PRKN: variants seen among roughly 807,000 people sequenced by gnomAD.
The protein encoded by PRKN is E3 ubiquitin-protein ligase parkin.
PRKN carries 56 observed loss-of-function variants against 59.5 expected under a neutral mutation model. That is an observed-to-expected ratio of 0.94 (90% CI 0.76 to 1.18). The LOEUF (loss-of-function observed/expected upper bound fraction) is 1.18. PRKN is among the 50% of genes most tolerant of loss of function. PRKN has a pLI of 0.00. For synonymous variants in PRKN, 250 were observed against 222.1 expected (o/e 1.13, Z -1.12); for missense variants, 657 against 596.4 (o/e 1.10, Z -1.06).
At position 161,354,690 on chromosome 6, in the gene PRKN, C is replaced by CG. The variant is rs1784685199; in HGVS notation, c.1286-4480dup. The stretch of plus-strand genomic sequence containing the variant: ...ACACAGCTGAGTATGTAACAGGCCA[C>CG]GAACCTTGGTGACAACCAGGTAACA... On this transcript the variant is annotated intron_variant, in intron 11 of 11. Transcript: ENST00000366898. This position sits in a 1 kb window ranked among gnomAD's most constrained non-coding sequence, Gnocchi z 6.7. 6.6e-6 allele frequency among the ~76,000 whole-genome samples: 1 copy of CG among 152,166 alleles called. No homozygotes were observed. Among genetic ancestry groups the CG allele is most frequent in the Non-Finnish European group, 1.5e-5 (1 of 68,022 alleles).
intron 5 of PRKN, among the ~76,000 whole-genome samples, chr6:162,045,418 C>G (rs548534523): frequency 1.3e-5 from 2 of 152,208 alleles, no homozygotes; most frequent in Non-Finnish European, 2.9e-5. Flanking sequence ...TGAGGAAGCT[C>G]AGATGATCCG....
At chr6:162,501,079 G>A (rs926107622) in intron 1 of PRKN, among the ~76,000 whole-genome samples, 3 of 152,068 alleles carry the variant, frequency 2.0e-5, no homozygotes, top group Admixed American at 1.3e-4. Context: ...GTGGCGAGAC[G>A]ATTGCTTGAA....
At chr6:162,001,221 G>C (rs576037951) in intron 5 of PRKN, among the ~76,000 whole-genome samples, 1 of 152,066 alleles carries the variant, frequency 6.6e-6, no homozygotes, top group South Asian at 2.1e-4. Flanking sequence ...ATTGACTCTA[G>C]ATAAAATTGG....
intron 4 of PRKN, among the ~76,000 whole-genome samples, chr6:162,191,334 T>C (rs1784269412): frequency 6.6e-6 from 1 of 152,236 alleles, no homozygotes; most frequent in South Asian, 2.1e-4. Context: ...CTTTTCAACA[T>C]GCTTCGTTAC....
chr6:162,406,979 T>A (rs573699357), intron 2 of PRKN, among the ~76,000 whole-genome samples: 1 of 152,196 alleles, frequency 6.6e-6, no homozygotes, highest in South Asian at 2.1e-4. Flanking sequence ...TTGACCAAAA[T>A]TGTAGATTTT....
At position 161,757,871 on chromosome 6, in the gene PRKN, C is replaced by CTCTGTG. The variant is rs1380898753; in HGVS notation, c.871+27900_871+27901insCACAGA. 7.8e-4 allele frequency among the ~76,000 whole-genome samples: 76 copies of CTCTGTG among 97,956 alleles called. 4 individuals are homozygous for CTCTGTG. The highest frequency in any genetic ancestry group is 1.3e-3 in the African/African-American group (30 of 22,350). 64.3% of individuals were successfully genotyped at this position (97,956 alleles called of 152,430 possible). Reference sequence around the variant, plus strand: ...TCTCTCTCTCTCTCTCTCTCTCTCTCTGTGTATATATATATACACACACAC... The same window carrying CTCTGTG: ...TCTCTCTCTCTCTCTCTCTCTCTCTCTCTGTGTGTGTATATATATATACACACACAC... On this transcript the variant is annotated intron_variant, in intron 7 of 11. Coordinates refer to ENST00000366898, the MANE Select transcript of PRKN (RefSeq NM_004562.3).
At chr6:161,741,496 CT>C (rs1418126441) in intron 7 of PRKN, among the ~76,000 whole-genome samples, 1 of 152,164 alleles carries the variant, frequency 6.6e-6, no homozygotes, top group Non-Finnish European at 1.5e-5. Flanking sequence ...GGGATAGTGT[CT>C]GTGTGCCCTA....
At chr6:162,443,717 C>T (rs1790174679) in intron 1 of PRKN, among the ~76,000 whole-genome samples, 2 of 152,136 alleles carry the variant, frequency 1.3e-5, no homozygotes, top group African/African-American at 4.8e-5. Flanking sequence ...ATTGCATTCT[C>T]CCTTTGACAT....
chr6:161,789,738 A>G (rs527947978), intron 6 of PRKN, among the ~76,000 whole-genome samples: 2 of 152,334 alleles, frequency 1.3e-5, no homozygotes, highest in Non-Finnish European at 2.9e-5. Context: ...ATGAAATTGT[A>G]GAGACCCTAC....
intron 1 of PRKN, among the ~76,000 whole-genome samples, chr6:162,691,749 T>C (rs1777782472): frequency 6.6e-6 from 1 of 152,154 alleles, no homozygotes; most frequent in Non-Finnish European, 1.5e-5. Flanking sequence ...AAAAGTTCCA[T>C]CAAATAACCA....
At chr6:161,969,951 G>T (rs1264047356) in intron 6 of PRKN, among the ~76,000 whole-genome samples, 1 of 152,150 alleles carries the variant, frequency 6.6e-6, no homozygotes, top group Non-Finnish European at 1.5e-5. Context: ...GAACTAAGGA[G>T]AAAGTCCTAC....
intron 1 of PRKN, among the ~76,000 whole-genome samples, chr6:162,686,573 TAATA>T (rs992528536): frequency 2.0e-5 from 3 of 152,140 alleles, no homozygotes; most frequent in Admixed American, 1.3e-4. Flanking sequence ...AAAAAGGAAC[TAATA>T]AATAATCAGA....
In PRKN at chr6:161,703,558, C is replaced by G. The variant is rs141169254; in HGVS notation, c.871+82214G>C. ...ATAGAAAATCCAAAATCATACAAAG[C>G]ATTAGAGTGATTCCCTGACAGCCAC... On this transcript the variant is annotated intron_variant, in intron 7 of 11. Transcript: ENST00000366898. 2.6e-5 allele frequency among the ~76,000 whole-genome samples: 4 copies of G among 152,270 alleles called. No homozygotes were observed. The East Asian group carries it at 7.7e-4, about 29-fold the overall frequency.
At chr6:162,457,062 T>C (rs1790910595) in intron 1 of PRKN, among the ~76,000 whole-genome samples, 1 of 152,238 alleles carries the variant, frequency 6.6e-6, no homozygotes, top group East Asian at 1.9e-4. Context: ...CAACCTCAAC[T>C]GAGAACATGC....
At chr6:162,355,411 A>C (rs115615374) in intron 2 of PRKN, among the ~76,000 whole-genome samples, 154 of 144,046 alleles carry the variant, frequency 1.1e-3, no homozygotes, top group Admixed American at 3.4e-3. Context: ...ATCTATCTAT[A>C]TATATATAAC....
At chr6:161,720,745 C>A (rs1161526239) in intron 7 of PRKN, among the ~76,000 whole-genome samples, 2 of 148,464 alleles carry the variant, frequency 1.3e-5, no homozygotes, top group Non-Finnish European at 3.0e-5. Flanking sequence ...TTAGTATATT[C>A]TCATAGGTAC....
intron 9 of PRKN, among the ~76,000 whole-genome samples, chr6:161,404,894 G>A (rs1787193163): frequency 6.6e-6 from 1 of 152,170 alleles, no homozygotes; most frequent in Non-Finnish European, 1.5e-5. Flanking sequence ...AAAACAGAAT[G>A]CGAAGCCGTA....
intron 7 of PRKN, among the ~76,000 whole-genome samples, chr6:161,690,033 G>T (rs1196048060): frequency 6.6e-6 from 1 of 152,052 alleles, no homozygotes. Context: ...ATTTAATTTA[G>T]AATTAAATGA....
In PRKN at chr6:161,377,310, G is replaced by C. The variant is rs1785758898; in HGVS notation, c.1167+9484C>G. Among the ~76,000 whole-genome samples the C allele has an allele frequency of 6.6e-6, 1 of 152,258 alleles. No homozygotes were observed. Among genetic ancestry groups the C allele is most frequent in the South Asian group, 2.1e-4 (1 of 4,836 alleles). The stretch of plus-strand genomic sequence containing the variant: ...AGGCCCAAGCAGGCCCACGGGGCGT[G>C]AGCGAGCTGCACAAGCAGGTCCTCA... On this transcript the variant is annotated intron_variant, in intron 10 of 11. Transcript: ENST00000366898. The surrounding 1 kb of genome is among the most constrained non-coding windows in gnomAD (Gnocchi z 4.2).
Sources: gnomAD v4.1 joint callset for allele counts (sites outside exome capture counted in the v4.1 genomes callset) on GRCh38, gnomAD v4.1.1 for gene constraint, Gnocchi (gnomAD v3.1) non-coding constraint, MANE v1.5 for transcripts, NCBI Gene and HGNC (gene_info 2026-07-23, HGNC 2026-07-21) for gene names.